The following CCDC93 variants were observed in gnomAD, a reference collection of about 807,000 sequenced individuals.
CCDC93 encodes coiled-coil domain-containing protein 93.
Under a neutral mutation model 108.2 loss-of-function variants are expected in CCDC93, and 61 were observed. The observed-to-expected ratio is 0.56, with a 90% CI of 0.46 to 0.70. The LOEUF (loss-of-function observed/expected upper bound fraction) is 0.70, where lower values mean the gene tolerates loss of function less well. Among genes scored for constraint, CCDC93 ranks in the 30% least tolerant of loss-of-function variants. CCDC93 has a pLI of 0.00. For missense variants in CCDC93, 685 were observed against 764.2 expected, an observed-to-expected ratio of 0.90 and a Z score of 1.22; for synonymous variants, 276 against 260.4, an observed-to-expected ratio of 1.06 and a Z score of -0.58.
At chr2:117,966,932 T>C (rs1168608703) in intron 11 of CCDC93, among the ~76,000 whole-genome samples, 23 of 152,198 alleles carry the variant, frequency 1.5e-4, no homozygotes, top group Admixed American at 1.5e-3. Context: ...TGATCTAAAA[T>C]ACACCTTGCT....
At chr2:117,958,530 T>C (rs1470368901) in intron 11 of CCDC93, 49 bp from the exon 12 acceptor site, 4 of 1,098,428 alleles carry the variant, frequency 3.6e-6, no homozygotes, top group Non-Finnish European at 5.6e-6. Flanking sequence ...TAGTTGACCT[T>C]GGTTCATGTA....
Position 117,922,829 on chromosome 2 carries a change from G to A in CCDC93, c.1843-2433C>T, listed in dbSNP as rs563004007. Among the ~76,000 whole-genome samples, 9 of 152,218 alleles carry A rather than the reference G, an allele frequency of 5.9e-5. No individual in the cohort carries two copies. In the South Asian group the frequency reaches 1.9e-3, roughly 32 times the overall value. Reference sequence around the variant, plus strand: ...TAATATATAAAACAGAAAAGCAGCAGAACTAGTCTGGCTGAAGATATGGGG... The same window carrying A: ...TAATATATAAAACAGAAAAGCAGCAAAACTAGTCTGGCTGAAGATATGGGG... On this transcript the variant is annotated intron_variant, in intron 23 of 23. Transcript: ENST00000376300.
At chr2:117,920,498 T>C (rs1049767962) in intron 23 of CCDC93, 102 bp from the exon 24 acceptor site, 4 of 697,272 alleles carry the variant, frequency 5.7e-6, no homozygotes, top group Admixed American at 2.6e-5. Flanking sequence ...ATGGGAGACA[T>C]CTCCTGGCCA....
intron 1 of CCDC93, among the ~76,000 whole-genome samples, chr2:118,009,890 A>C (rs1676978049): frequency 6.6e-6 from 1 of 152,046 alleles, no homozygotes; most frequent in South Asian, 2.1e-4. Flanking sequence ...TAATATATGT[A>C]TATCAGTATT....
At chr2:117,923,702 G>C (rs890570439) in intron 23 of CCDC93, among the ~76,000 whole-genome samples, 11 of 68 alleles carry the variant, frequency 0.16, no homozygotes, top group African/African-American at 0.39. Flanking sequence ...TCCACCTCTG[G>C]GGGCAGGCAT....
At chr2:117,963,094 C>T (rs1255955287) in intron 11 of CCDC93, among the ~76,000 whole-genome samples, 2 of 152,186 alleles carry the variant, frequency 1.3e-5, no homozygotes, top group African/African-American at 2.4e-5. Flanking sequence ...GAGCTTCAAT[C>T]CTAGGCCTCA....
rs1329244784 is a variant in CCDC93 at position 117,920,252 on chromosome 2, A to G, written c.*91T>C. 1.0e-5 allele frequency: 8 copies of G among 799,280 alleles called. No individual in the cohort carries two copies. In the East Asian group the frequency reaches 2.0e-4, roughly 20 times the overall value. The allele number at this position is 799,280 out of a possible 1,614,324, so 49.5% of individuals were successfully genotyped here. A position where few individuals can be genotyped will look rare whatever the true frequency, so the allele number is the denominator to read the frequency against. ...GAAATCATCACAACTGCATCTCTCT[A>G]CTGTCGCTTTCAGAACCATTTCATG... is the stretch of plus-strand genomic sequence containing the variant. On this transcript the variant is annotated 3_prime_UTR_variant, in exon 24 of 24. Coordinates refer to ENST00000376300, the MANE Select transcript of CCDC93 (RefSeq NM_019044.5).
intron 13 of CCDC93, 24 bp downstream of exon 13, chr2:117,952,346 CAGA>C (rs757219832): frequency 3.3e-6 from 5 of 1,515,020 alleles, no homozygotes; most frequent in East Asian, 4.5e-5. Context: ...CAAGGGCCCA[CAGA>C]AGAAGGAGAA....
intron 23 of CCDC93, among the ~76,000 whole-genome samples, chr2:117,923,705 G>A (rs1004906367): frequency 0.16 from 9 of 56 alleles, no homozygotes; most frequent in African/African-American, 0.33. Flanking sequence ...ACCTCTGGGG[G>A]CAGGCATAGC....
Position 117,986,065 on chromosome 2 carries a change from A to T in CCDC93, c.524T>A (p.Val175Glu), listed in dbSNP as rs750813537. 1.2e-6 allele frequency: 2 copies of T among 1,605,550 alleles called. No homozygotes were observed. Among genetic ancestry groups the T allele is most frequent in the South Asian group, 2.2e-5 (2 of 90,688 alleles). ...TTTGTATTTCCGACGGGGCTTGTAC[A>T]CTTCCTAAGTGGATGAGACAGCCAA... ...AIKTVVDLSE[V>E]YKPRRKYKRH... The change falls in exon 7 of 24, where the codon GTG (valine) becomes GAG (glutamate). Residue 175 changes from valine to glutamate, a missense_variant. Coordinates refer to ENST00000376300, the MANE Select transcript of CCDC93 (RefSeq NM_019044.5).
chr2:117,942,987 G>A lies in CCDC93; in HGVS notation c.1413+1037C>T, dbSNP rs535400805. The stretch of plus-strand genomic sequence containing the variant: ...ATTCACCCTTGTGTCAGAAATTCCA[G>A]CATCATCCTTGACTCCTCTTTTTAT... On this transcript the variant is annotated intron_variant, in intron 18 of 23. Transcript: ENST00000376300. Among the ~76,000 whole-genome samples the A allele has an allele frequency of 3.3e-5, 5 of 152,260 alleles. No individual in the cohort carries two copies. In the South Asian group the frequency reaches 1.0e-3, roughly 32 times the overall value.
intron 18 of CCDC93, among the ~76,000 whole-genome samples, chr2:117,942,586 C>G (rs1269234850): frequency 6.6e-6 from 1 of 152,226 alleles, no homozygotes; most frequent in Non-Finnish European, 1.5e-5. Flanking sequence ...GCTGAGCTCT[C>G]TGCTCGGCTC....
intron 23 of CCDC93, among the ~76,000 whole-genome samples, chr2:117,926,539 G>A (rs1436080558): frequency 6.6e-6 from 1 of 152,122 alleles, no homozygotes; most frequent in South Asian, 2.1e-4. Context: ...TAAATTCCTG[G>A]ACACATACAC....
intron 6 of CCDC93, among the ~76,000 whole-genome samples, chr2:117,990,145 C>T (rs1411906374): frequency 6.6e-6 from 1 of 152,238 alleles, no homozygotes; most frequent in Admixed American, 6.5e-5. Context: ...GACCTCACTT[C>T]ACAGGACAGA....
intron 23 of CCDC93, among the ~76,000 whole-genome samples, chr2:117,923,938 AG>A (rs1461810944): frequency 1.3e-5 from 2 of 152,200 alleles, no homozygotes; most frequent in Non-Finnish European, 2.9e-5. Flanking sequence ...AAACTTCCAG[AG>A]GAATGATCAG....
intron 23 of CCDC93, among the ~76,000 whole-genome samples, chr2:117,921,380 T>C (rs766365174): frequency 3.3e-5 from 5 of 152,128 alleles, no homozygotes; most frequent in Non-Finnish European, 7.4e-5. Context: ...CTGCGCCTCC[T>C]GCCCTTGTTC....
intron 18 of CCDC93, among the ~76,000 whole-genome samples, chr2:117,943,033 ATCAGCT>A (rs1558774866): frequency 6.6e-6 from 1 of 152,200 alleles, no homozygotes; most frequent in African/African-American, 2.4e-5. Flanking sequence ...ACTAAGTTCC[ATCAGCT>A]ACAGCCCTGC....
chr2:117,925,015 C>A (rs1428947792), intron 23 of CCDC93, among the ~76,000 whole-genome samples: 1 of 152,146 alleles, frequency 6.6e-6, no homozygotes, highest in Non-Finnish European at 1.5e-5. Flanking sequence ...AATTTCATAT[C>A]CAGCCAAACT....
At chr2:117,939,562 A>G (rs1678633365) in intron 19 of CCDC93, among the ~76,000 whole-genome samples, 1 of 152,234 alleles carries the variant, frequency 6.6e-6, no homozygotes, top group Non-Finnish European at 1.5e-5. Context: ...TTATTGCTAA[A>G]AGCTTTGAAA....
Sources: allele counts gnomAD v4.1 joint callset (sites outside exome capture counted in the v4.1 genomes callset), GRCh38; gene constraint gnomAD v4.1.1; transcripts MANE v1.5; gene names NCBI Gene and HGNC (gene_info 2026-07-23, HGNC 2026-07-21).